CEP83: variants seen among roughly 807,000 people sequenced by gnomAD.
The protein encoded by CEP83 is centrosomal protein 83.
A neutral mutation model predicts 101.9 loss-of-function variants in CEP83; 70 were observed. The observed-to-expected ratio is 0.69, with a 90% confidence interval of 0.57 to 0.84. The LOEUF is 0.84. CEP83 is among the 40% of genes least tolerant of loss of function. CEP83 has a pLI of 0.00. For missense variants in CEP83, 715 were observed against 787.2 expected, an observed-to-expected ratio of 0.91 and a Z score of 1.10; for synonymous variants, 264 against 267.9, an observed-to-expected ratio of 0.99 and a Z score of 0.14.
In CEP83 at chr12:94,403,243, A is replaced by G; in HGVS notation, c.344T>C (p.Leu115Ser). The change falls in exon 5 of 17, where the codon TTG (leucine) becomes TCG (serine). Residue 115 changes from leucine (L) to serine (S), a missense_variant. Transcript: ENST00000397809. Reference protein sequence around the residue: ...MKLQILTPQKLELLRAQIQQE... With the variant: ...MKLQILTPQKSELLRAQIQQE... ...TTGTATTTGGGCTCTTAGCAATTCC[A>G]ATTTTTGTGGAGTTAATATCTAATA... 6.5e-7 allele frequency: 1 copy of G among 1,543,250 alleles called. No individual in the cohort carries two copies.
chr12:94,451,181 C>A (rs1336679340), intron 1 of CEP83, among the ~76,000 whole-genome samples: 1 of 152,068 alleles, frequency 6.6e-6, no homozygotes, highest in Non-Finnish European at 1.5e-5. Context: ...CAATATGAAT[C>A]TTATATTTAA....
chr12:94,418,305 G>T (rs953143203), intron 2 of CEP83, among the ~76,000 whole-genome samples: 1 of 152,206 alleles, frequency 6.6e-6, no homozygotes, highest in African/African-American at 2.4e-5. Flanking sequence ...AGGCTGCAGT[G>T]AGCCAAGATT....
intron 2 of CEP83, among the ~76,000 whole-genome samples, chr12:94,415,634 A>C (rs897799959): frequency 1.3e-5 from 2 of 152,140 alleles, no homozygotes; most frequent in Admixed American, 6.5e-5. Context: ...TAAAGGTTAA[A>C]TACACCAGAA....
At chr12:94,270,631 A>C in the CEP83 span, among the ~76,000 whole-genome samples, 1 of 152,080 alleles carries the variant, frequency 6.6e-6, no homozygotes, top group Non-Finnish European at 1.5e-5. Context: ...GTGAATACTA[A>C]AATCAGTTAT....
chr12:94,337,057 G>C (rs977709783), intron 11 of CEP83, among the ~76,000 whole-genome samples: 1 of 152,124 alleles, frequency 6.6e-6, no homozygotes, highest in African/African-American at 2.4e-5. Context: ...AGAAAACTTA[G>C]GCCCTAAGTA....
At chr12:94,392,663 G>A (rs2062625999) in intron 6 of CEP83, among the ~76,000 whole-genome samples, 1 of 152,150 alleles carries the variant, frequency 6.6e-6, no homozygotes, top group Admixed American at 6.5e-5. Context: ...AAGAGATAGA[G>A]ACACAAAGAA....
chr12:94,274,491 G>A, the CEP83 span, among the ~76,000 whole-genome samples: 1 of 152,210 alleles, frequency 6.6e-6, no homozygotes, highest in South Asian at 2.1e-4. Flanking sequence ...TAGCAGAGGA[G>A]GGATGGCTGC....
chr12:94,283,197 A>C, the CEP83 span, among the ~76,000 whole-genome samples: 1 of 152,198 alleles, frequency 6.6e-6, no homozygotes, highest in African/African-American at 2.4e-5. Flanking sequence ...CCTTGCGTGT[A>C]GTAGTGCTGT....
At position 94,379,052 on chromosome 12, in the gene CEP83, A is replaced by T; in HGVS notation, c.550-10T>A. ...CCTCCAGTCTTGCAATCTAATAATAATTTTAAAGAAAGCATACAAGGTTAA... is the reference window on the plus strand; with the variant it reads ...CCTCCAGTCTTGCAATCTAATAATATTTTTAAAGAAAGCATACAAGGTTAA... On this transcript the variant is annotated splice_polypyrimidine_tract_variant and intron_variant, in intron 6 of 16. Coordinates refer to ENST00000397809, the MANE Select transcript of CEP83 (RefSeq NM_016122.3). The T allele has an allele frequency of 6.3e-7, 1 of 1,580,384 alleles. No individual in the cohort carries two copies.
intron 6 of CEP83, among the ~76,000 whole-genome samples, chr12:94,390,213 T>G (rs1369249617): frequency 6.6e-6 from 1 of 152,134 alleles, no homozygotes; most frequent in South Asian, 2.1e-4. Context: ...CACCTCTCAG[T>G]AGGGGCCAAC....
intron 11 of CEP83, among the ~76,000 whole-genome samples, chr12:94,360,668 A>C (rs2060707651): frequency 1.3e-5 from 2 of 152,104 alleles, no homozygotes; most frequent in Admixed American, 6.5e-5. Context: ...TGTTAACATG[A>C]CCATACTACC....
downstream of CEP83, chr12:94,307,471 C>CTT (rs1969170415): frequency 6.6e-6 from 1 of 152,140 alleles, no homozygotes; most frequent in Non-Finnish European, 1.5e-5. Flanking sequence ...TTTCAAGTTT[C>CTT]TTTGCATATT....
At chr12:94,366,900 T>C (rs1414810770) in intron 11 of CEP83, among the ~76,000 whole-genome samples, 1 of 152,078 alleles carries the variant, frequency 6.6e-6, no homozygotes, top group Non-Finnish European at 1.5e-5. Flanking sequence ...GGATTCAACT[T>C]GAAAGATCTT....
At chr12:94,283,318 A>T in the CEP83 span, among the ~76,000 whole-genome samples, 1 of 152,184 alleles carries the variant, frequency 6.6e-6, no homozygotes, top group Non-Finnish European at 1.5e-5. Flanking sequence ...CCAGCAGGGA[A>T]GGGAGAGCAT....
the CEP83 span, chr12:94,297,132 G>T: frequency 1.3e-6 from 2 of 1,572,888 alleles, no homozygotes; most frequent in Non-Finnish European, 8.7e-7. Context: ...AGGCCGATTA[G>T]CCCATGGTTG....
intron 13 of CEP83, among the ~76,000 whole-genome samples, chr12:94,333,062 A>AC (rs200248800): frequency 0.016 from 2,490 of 150,926 alleles, 29 homozygotes; most frequent in Middle Eastern, 0.028. Context: ...AAAAAAAAAA[A>AC]AAACAAATAA....
intron 5 of CEP83, chr12:94,401,416 T>A (rs1009156710): frequency 6.6e-6 from 1 of 152,212 alleles, no homozygotes; most frequent in Non-Finnish European, 1.5e-5. Flanking sequence ...CATTTTAACA[T>A]CTAATTAAAT....
At chr12:94,287,473 CGA>C in the CEP83 span, among the ~76,000 whole-genome samples, 1 of 152,068 alleles carries the variant, frequency 6.6e-6, no homozygotes, top group Non-Finnish European at 1.5e-5. Context: ...TTGGCTGGGC[CGA>C]GTTATTGCAC....
chr12:94,390,199 GAGACACCTCTCAGTAGGGGCCAAC>G (rs2137366399), intron 6 of CEP83, among the ~76,000 whole-genome samples: 1 of 152,288 alleles, frequency 6.6e-6, no homozygotes, highest in South Asian at 2.1e-4. Flanking sequence ...GCATAACTGG[GAGACACCTCTCAGTAGGGGCCAAC>G]AGACACCTCA....
Sources: gnomAD v4.1 joint callset for allele counts (sites outside exome capture counted in the v4.1 genomes callset) on GRCh38, gnomAD v4.1.1 for gene constraint, MANE v1.5 for transcripts, NCBI Gene and HGNC (gene_info 2026-07-23, HGNC 2026-07-21) for gene names.